The following PRKCA variants were observed in gnomAD, a reference collection of about 807,000 sequenced individuals.
PRKCA encodes protein kinase C alpha type.
PRKCA carries 27 observed loss-of-function variants against 87.0 expected under a neutral mutation model. That is an observed-to-expected ratio of 0.31 (90% CI 0.23 to 0.43). PRKCA has a LOEUF of 0.43. Among genes scored for constraint, PRKCA ranks in the 20% least tolerant of loss-of-function variants. The pLI is 1.00. For missense variants in PRKCA, 518 were observed against 852.3 expected (o/e 0.61, Z 4.88); for synonymous variants, 329 against 311.1 (o/e 1.06, Z -0.61).
At chr17:66,660,962 A>T (rs1971882667) in intron 5 of PRKCA, among the ~76,000 whole-genome samples, 1 of 152,146 alleles carries the variant, frequency 6.6e-6, no homozygotes, top group African/African-American at 2.4e-5. Context: ...CCACTCAGGT[A>T]GAAGGGGGAA....
chr17:66,336,682 A>ATTTGCCTATATAGTAAATTATTAAACC, intron 2 of PRKCA, among the ~76,000 whole-genome samples: 1 of 147,126 alleles, frequency 6.8e-6, no homozygotes, highest in Admixed American at 6.7e-5. Context: ...ATTATTAAAC[A>ATTTGCCTATATAGTAAATTATTAAACC]TTTGCTATTC....
intron 2 of PRKCA, chr17:66,403,669 T>G (rs1226743074): frequency 6.6e-6 from 1 of 152,208 alleles, no homozygotes; most frequent in African/African-American, 2.4e-5. Flanking sequence ...ATTAATAGTC[T>G]TGGTGAAACT....
intron 9 of PRKCA, among the ~76,000 whole-genome samples, chr17:66,733,067 C>T (rs1323126080): frequency 1.3e-5 from 2 of 148,968 alleles, no homozygotes; most frequent in South Asian, 2.1e-4. Context: ...AGGAGAATGG[C>T]GTGAACCTGG....
intron 3 of PRKCA, among the ~76,000 whole-genome samples, chr17:66,530,412 T>C (rs1483310418): frequency 6.6e-6 from 1 of 152,140 alleles, no homozygotes; most frequent in Non-Finnish European, 1.5e-5. Context: ...AACTGAAAAA[T>C]ACTTGGGCAG....
intron 8 of PRKCA, among the ~76,000 whole-genome samples, chr17:66,728,339 G>A (rs540121086): frequency 4.6e-5 from 7 of 152,210 alleles, no homozygotes; most frequent in Middle Eastern, 3.4e-3. Flanking sequence ...CCCACACACC[G>A]GTCTGTCTCC....
At chr17:66,684,545 G>A (rs566919537) in intron 5 of PRKCA, among the ~76,000 whole-genome samples, 17 of 152,210 alleles carry the variant, frequency 1.1e-4, no homozygotes, top group Non-Finnish European at 2.2e-4. Flanking sequence ...TTGCTTCAAT[G>A]ACATTTAGAA....
At chr17:66,472,885 A>G (rs538282710) in intron 2 of PRKCA, among the ~76,000 whole-genome samples, 2 of 152,260 alleles carry the variant, frequency 1.3e-5, no homozygotes, top group Non-Finnish European at 1.5e-5. Context: ...GAACTTGCCT[A>G]ATTTGTGGAG....
At chr17:66,645,877 C>G (rs79068411) in intron 5 of PRKCA, among the ~76,000 whole-genome samples, 115 of 152,260 alleles carry the variant, frequency 7.6e-4, no homozygotes, top group African/African-American at 2.6e-3. Context: ...CAAGGGGAGG[C>G]GAATGGATGG....
intron 2 of PRKCA, among the ~76,000 whole-genome samples, chr17:66,399,060 T>G (rs1466722693): frequency 6.6e-6 from 1 of 151,466 alleles, no homozygotes; most frequent in Non-Finnish European, 1.5e-5. Context: ...TGGATATTGA[T>G]GCACCATGTG....
At position 66,792,558 on chromosome 17, in the gene PRKCA, G is replaced by T. The variant is rs548101152; in HGVS notation, c.1854+3579G>T. On this transcript the variant is annotated intron_variant, in intron 16 of 16. Transcript: ENST00000413366. The surrounding 1 kb of genome is among the most constrained non-coding windows in gnomAD (Gnocchi z 4.5). ...CTTGACTGAAGTTAACCTTTAGACC[G>T]CAGTGCCATGCAAAATGCGATCCCA... Among the ~76,000 whole-genome samples, 8 of 152,274 alleles carry T rather than the reference G, an allele frequency of 5.3e-5. No individual in the cohort carries two copies. In the East Asian group the frequency reaches 9.7e-4, roughly 18 times the overall value.
At chr17:66,514,841 A>G (rs1363734707) in intron 3 of PRKCA, among the ~76,000 whole-genome samples, 1 of 152,104 alleles carries the variant, frequency 6.6e-6, no homozygotes, top group Non-Finnish European at 1.5e-5. Flanking sequence ...GGCCAGAACC[A>G]TATCATGTAG....
intron 2 of PRKCA, among the ~76,000 whole-genome samples, chr17:66,488,586 G>A (rs576423510): frequency 6.6e-6 from 1 of 152,286 alleles, no homozygotes; most frequent in Non-Finnish European, 1.5e-5. Context: ...GGTCCAACCA[G>A]GAAGGAATGC....
At chr17:66,569,346 G>T (rs1968996716) in intron 3 of PRKCA, among the ~76,000 whole-genome samples, 2 of 139,340 alleles carry the variant, frequency 1.4e-5, no homozygotes, top group Admixed American at 1.5e-4. Flanking sequence ...GGCAGGCGGG[G>T]ATCGCCTGAG....
intron 10 of PRKCA, among the ~76,000 whole-genome samples, chr17:66,737,043 T>C (rs935613943): frequency 6.6e-6 from 1 of 152,098 alleles, no homozygotes; most frequent in Non-Finnish European, 1.5e-5. Context: ...GTTGCAGGGC[T>C]TGCAAGTGGC....
intron 3 of PRKCA, among the ~76,000 whole-genome samples, chr17:66,516,915 G>A (rs1032109408): frequency 1.3e-5 from 2 of 152,140 alleles, no homozygotes; most frequent in African/African-American, 4.8e-5. Context: ...AATTTGATGC[G>A]AGGCTAGGAT....
intron 2 of PRKCA, among the ~76,000 whole-genome samples, chr17:66,360,475 A>G (rs1908324603): frequency 6.6e-6 from 1 of 152,186 alleles, no homozygotes; most frequent in African/African-American, 2.4e-5. Context: ...CTGGTCTGGG[A>G]AAGTCCTCTA....
At chr17:66,701,341 G>A (rs2144093011) in intron 8 of PRKCA, among the ~76,000 whole-genome samples, 2 of 152,140 alleles carry the variant, frequency 1.3e-5, no homozygotes, top group South Asian at 4.1e-4. Flanking sequence ...TGAAACCATA[G>A]AACTAGAAGA....
At chr17:66,594,953 G>A (rs1170679809) in intron 3 of PRKCA, among the ~76,000 whole-genome samples, 1 of 152,158 alleles carries the variant, frequency 6.6e-6, no homozygotes, top group Non-Finnish European at 1.5e-5. Context: ...GAAAACAATA[G>A]ACATGTATTC....
At chr17:66,801,674 C>G (rs1251092599) in intron 16 of PRKCA, among the ~76,000 whole-genome samples, 2 of 152,200 alleles carry the variant, frequency 1.3e-5, no homozygotes, top group Non-Finnish European at 2.9e-5. Context: ...GTACTTTGTG[C>G]TCTTCCAAGG....
Sources: gnomAD v4.1 joint callset for allele counts (sites outside exome capture counted in the v4.1 genomes callset) on GRCh38, gnomAD v4.1.1 for gene constraint, Gnocchi (gnomAD v3.1) non-coding constraint, MANE v1.5 for transcripts, NCBI Gene and HGNC (gene_info 2026-07-23, HGNC 2026-07-21) for gene names.